FAM53A: variants seen among roughly 807,000 people sequenced by gnomAD.
The protein encoded by FAM53A is family with sequence similarity 53 member A.
Under a neutral mutation model 26.6 loss-of-function variants are expected in FAM53A, and 28 were observed. The ratio of observed to expected loss-of-function variants is 1.05; its 90% confidence interval spans 0.78 to 1.45. The LOEUF is 1.45. FAM53A is among the 40% of genes most tolerant of loss of function. The probability of loss-of-function intolerance (pLI) is 0.00; values close to 1 mark genes in which losing one functional copy is unlikely to be tolerated. For synonymous variants in FAM53A, 290 were observed against 253.1 expected, an observed-to-expected ratio of 1.15 and a Z score of -1.38; for missense variants, 650 against 575.8, an observed-to-expected ratio of 1.13 and a Z score of -1.32.
At chr4:1,649,248 A>G in intron 4 of FAM53A, among the ~76,000 whole-genome samples, 1 of 152,166 alleles carries the variant, frequency 6.6e-6, no homozygotes, top group Non-Finnish European at 1.5e-5. Flanking sequence ...AGAAAAGGAA[A>G]GAGAAAGAAA....
chr4:1,644,638 T>A (rs910883273), intron 4 of FAM53A: 3 of 371,374 alleles, frequency 8.1e-6, no homozygotes, highest in Non-Finnish European at 1.5e-5. Flanking sequence ...GATGGTCACT[T>A]CCATCTGAGG....
rs957734532 is a variant in FAM53A, at chr4:1,630,149, C to T, written c.432-12038G>A. Among the ~76,000 whole-genome samples the T allele has an allele frequency of 6.6e-6, 1 of 152,196 alleles. No individual in the cohort carries two copies. Among genetic ancestry groups the T allele is most frequent in the African/African-American group, 2.4e-5 (1 of 41,460 alleles). ...TGAGTCCTGGACAAGGGGACCAACT[C>T]CTCACACACAGGGGTAGGTCATCCC... On this transcript the variant is annotated intron_variant, in intron 1 of 1. Transcript: ENST00000489029. This position sits in a 1 kb window ranked among gnomAD's most constrained non-coding sequence, Gnocchi z 4.3.
intron 4 of FAM53A, chr4:1,644,058 C>T (rs1281562180): frequency 7.8e-7 from 1 of 1,275,698 alleles, no homozygotes. Flanking sequence ...CCGGGTCTCA[C>T]CAGCTCGGTC....
At chr4:1,617,677 GCCTTAGCCACTC>G (rs1714858487), downstream of FAM53A, among the ~76,000 whole-genome samples, 1 of 152,110 alleles carries the variant, frequency 6.6e-6, no homozygotes, top group Non-Finnish European at 1.5e-5. Context: ...TCCGAGACCT[GCCTTAGCCACTC>G]TTTTTTAGGT....
intron 4 of FAM53A, 134 bp from the exon 5 acceptor site, chr4:1,641,741 T>C (rs1031438787): frequency 7.0e-6 from 6 of 858,244 alleles, no homozygotes; most frequent in East Asian, 5.0e-5. Flanking sequence ...GGGGCCTTGG[T>C]CCCCTGTACA....
intron 1 of FAM53A, among the ~76,000 whole-genome samples, chr4:1,619,330 C>T (rs942362388): frequency 2.6e-5 from 4 of 152,204 alleles, no homozygotes; most frequent in East Asian, 1.9e-4. Context: ...GGGCGGCCAA[C>T]GACCCGGCCT....
chr4:1,651,846 G>C (rs1577117661), intron 4 of FAM53A, among the ~76,000 whole-genome samples: 1 of 147,984 alleles, frequency 6.8e-6, no homozygotes, highest in Non-Finnish European at 1.5e-5. Context: ...GGATCTGAGG[G>C]ATGGATGCCC....
In FAM53A at chr4:1,634,397, G is replaced by A. The variant is rs114626962; in HGVS notation, c.432-16286C>T. Among the ~76,000 whole-genome samples the A allele has an allele frequency of 3.2e-3, 485 of 152,256 alleles. 2 individuals are homozygous for A. The highest frequency in any genetic ancestry group is 0.011 in the African/African-American group (453 of 41,530). ...AGGGAAGGGGCAGAGTCAGCCCTGA[G>A]GTCTAATACAGCTCTCAGGGCCACC... On this transcript the variant is annotated intron_variant, in intron 1 of 1. Transcript: ENST00000489029.
chr4:1,668,196 G>A (rs1714377759), intron 2 of FAM53A, among the ~76,000 whole-genome samples: 1 of 151,540 alleles, frequency 6.6e-6, no homozygotes, highest in South Asian at 2.1e-4. Flanking sequence ...CTGGAGTGCA[G>A]TGGAGCGATC....
downstream of FAM53A, among the ~76,000 whole-genome samples, chr4:1,637,404 G>T (rs954984546): frequency 5.9e-5 from 9 of 152,204 alleles, no homozygotes; most frequent in African/African-American, 1.9e-4. Context: ...AACGGTTGGG[G>T]GTGAGGCCAG....
At chr4:1,669,415 G>A (rs1447228053) in intron 1 of FAM53A, among the ~76,000 whole-genome samples, 1 of 152,240 alleles carries the variant, frequency 6.6e-6, no homozygotes, top group Non-Finnish European at 1.5e-5. Flanking sequence ...CAAGGGGCCG[G>A]CGGAGGAAGG....
At chr4:1,612,775 A>G in the FAM53A span, among the ~76,000 whole-genome samples, 20 of 152,238 alleles carry the variant, frequency 1.3e-4, no homozygotes, top group Admixed American at 2.0e-4. Context: ...GCACACATGT[A>G]CACACCTGCA....
chr4:1,596,982 G>A, the FAM53A span, among the ~76,000 whole-genome samples: 3 of 152,130 alleles, frequency 2.0e-5, no homozygotes, highest in Admixed American at 1.3e-4. Context: ...CACCCTCCTC[G>A]GGGCCTCCCT....
At chr4:1,663,217 G>T (rs56260602) in intron 2 of FAM53A, among the ~76,000 whole-genome samples, 26,091 of 152,226 alleles carry the variant, frequency 0.17, 3,043 homozygotes, top group Middle Eastern at 0.27. Context: ...GGAGAAATTA[G>T]AACTCTCATA....
At chr4:1,635,804 G>A (rs889619562), downstream of FAM53A, among the ~76,000 whole-genome samples, 17 of 149,234 alleles carry the variant, frequency 1.1e-4, no homozygotes, top group African/African-American at 4.2e-4. Context: ...ATTGAGTTGT[G>A]GTCAGAAGAT....
chr4:1,609,176 G>A, the FAM53A span, among the ~76,000 whole-genome samples: 1 of 152,036 alleles, frequency 6.6e-6, no homozygotes, highest in Non-Finnish European at 1.5e-5. Context: ...CTCAGGATGT[G>A]GCTCTGGCAG....
At chr4:1,635,610 G>A (rs2108784315), downstream of FAM53A, among the ~76,000 whole-genome samples, 1 of 152,158 alleles carries the variant, frequency 6.6e-6, no homozygotes, top group East Asian at 1.9e-4. Context: ...TACAGTCACT[G>A]AGGACTGTAA....
intron 2 of FAM53A, among the ~76,000 whole-genome samples, chr4:1,658,299 T>C (rs62287703): frequency 0.29 from 44,407 of 151,380 alleles, 6,949 homozygotes; most frequent in Middle Eastern, 0.49. Context: ...GAATTACAGG[T>C]GTGAGCCACC....
At chr4:1,675,439 A>G (rs1714977062) in intron 1 of FAM53A, among the ~76,000 whole-genome samples, 1 of 152,072 alleles carries the variant, frequency 6.6e-6, no homozygotes, top group Non-Finnish European at 1.5e-5. Flanking sequence ...TTCTCCCCAC[A>G]CTAAGTGGGC....
Sources: gnomAD v4.1 joint callset for allele counts (sites outside exome capture counted in the v4.1 genomes callset) on GRCh38, gnomAD v4.1.1 for gene constraint, Gnocchi (gnomAD v3.1) non-coding constraint, MANE v1.5 for transcripts, NCBI Gene and HGNC (gene_info 2026-07-23, HGNC 2026-07-21) for gene names.